Variants in PRICKLE2 observed in about 807,000 individuals in gnomAD.
PRICKLE2 encodes prickle-like protein 2.
Under a neutral mutation model 81.4 loss-of-function variants are expected in PRICKLE2, and 21 were observed. The ratio of observed to expected loss-of-function variants is 0.26; its 90% confidence interval spans 0.18 to 0.37. The LOEUF (loss-of-function observed/expected upper bound fraction) is 0.37. Among genes scored for constraint, PRICKLE2 ranks in the 10% least tolerant of loss-of-function variants. The pLI is 1.00. For synonymous variants in PRICKLE2, 456 were observed against 421.5 expected (o/e 1.08, Z -1.00); for missense variants, 940 against 1,109.0 (o/e 0.85, Z 2.16).
At chr3:64,136,644 G>A (rs552057777) in intron 7 of PRICKLE2, among the ~76,000 whole-genome samples, 2 of 152,098 alleles carry the variant, frequency 1.3e-5, no homozygotes, top group Non-Finnish European at 2.9e-5. Flanking sequence ...GCAGAGGAGG[G>A]GAGGTTAAGG....
chr3:64,111,818 C>T (rs912667267), intron 7 of PRICKLE2, among the ~76,000 whole-genome samples: 5 of 152,132 alleles, frequency 3.3e-5, no homozygotes, highest in Non-Finnish European at 7.4e-5. Context: ...CTGGCACTGC[C>T]TATTGCTTGA....
chr3:64,206,538 A>G (rs1167362979), intron 1 of PRICKLE2, among the ~76,000 whole-genome samples: 1 of 152,214 alleles, frequency 6.6e-6, no homozygotes, highest in African/African-American at 2.4e-5. Context: ...TACATCAGAC[A>G]TGAGAATAGT....
At chr3:64,168,957 G>A (rs977015458) in intron 2 of PRICKLE2, among the ~76,000 whole-genome samples, 1 of 152,088 alleles carries the variant, frequency 6.6e-6, no homozygotes, top group Non-Finnish European at 1.5e-5. Flanking sequence ...TGGTAAGAGA[G>A]TTGTGGCAGA....
chr3:64,254,370 A>G (rs890749408), intron 2 of PRICKLE2, among the ~76,000 whole-genome samples: 1 of 152,172 alleles, frequency 6.6e-6, no homozygotes, highest in Non-Finnish European at 1.5e-5. Context: ...AGCTTCTGGC[A>G]AGAGGTATTG....
chr3:64,227,914 A>T (rs1559592751), upstream of PRICKLE2, among the ~76,000 whole-genome samples: 1 of 152,214 alleles, frequency 6.6e-6, no homozygotes, highest in African/African-American at 2.4e-5. Flanking sequence ...AAGACTGCAA[A>T]ATCATCTTTA....
At chr3:64,225,885 C>T (rs577776021), upstream of PRICKLE2, among the ~76,000 whole-genome samples, 26 of 146,040 alleles carry the variant, frequency 1.8e-4, no homozygotes, top group Middle Eastern at 0.011. Flanking sequence ...AATGCCTCTC[C>T]TTTTTTTTTT....
chr3:64,142,313 C>CTTTTT (rs397936636), intron 7 of PRICKLE2, among the ~76,000 whole-genome samples: 6 of 132,748 alleles, frequency 4.5e-5, no homozygotes, highest in African/African-American at 5.6e-5. Context: ...TTCTTTCTTT[C>CTTTTT]TTTTTTTTTT....
At position 64,097,844 on chromosome 3, in the gene PRICKLE2, C is replaced by G. The variant is rs1307599898; in HGVS notation, c.*1207G>C. 6.5e-6 allele frequency: 1 copy of G among 152,858 alleles called. No homozygotes were observed. Among genetic ancestry groups the G allele is most frequent in the South Asian group, 2.1e-4 (1 of 4,828 alleles). 9.5% of individuals were successfully genotyped at this position (152,858 alleles called of 1,614,324 possible). ...GTTCTTCTTTTCCCTGACCTGCCTTCAGATTCTCCTTTAACTTCTACCCTT... is the reference window on the plus strand; with the variant it reads ...GTTCTTCTTTTCCCTGACCTGCCTTGAGATTCTCCTTTAACTTCTACCCTT... On this transcript the variant is annotated 3_prime_UTR_variant, in exon 8 of 8. Coordinates refer to ENST00000638394, the MANE Select transcript of PRICKLE2 (RefSeq NM_198859.4).
Position 64,098,799 on chromosome 3 carries a change from G to T in PRICKLE2, c.*252C>A, listed in dbSNP as rs2076605778. On this transcript the variant is annotated 3_prime_UTR_variant, in exon 8 of 8. Transcript: ENST00000638394. ...CAACTCAACACAGAACTGATGGGAA[G>T]GAAGTGACCAAGCCTGGCCTCGATA... 9.6e-6 allele frequency: 5 copies of T among 523,220 alleles called. No homozygotes were observed. The highest frequency in any genetic ancestry group is 1.7e-5 in the Non-Finnish European group (5 of 289,434). 32.4% of individuals were successfully genotyped at this position (523,220 alleles called of 1,614,324 possible).
chr3:64,245,664 G>A (rs1559601598), intron 2 of PRICKLE2, among the ~76,000 whole-genome samples: 1 of 152,122 alleles, frequency 6.6e-6, no homozygotes, highest in African/African-American at 2.4e-5. Context: ...AGAGGCATGG[G>A]GGAGGATTCC....
In PRICKLE2 at chr3:64,096,233, C is replaced by T. The variant is rs1334298733; in HGVS notation, c.*2818G>A. ...AAAGATTACTATTCTGGAAATCAGT[C>T]TCTTGAAGATGGAATTATGATCTAA... On this transcript the variant is annotated 3_prime_UTR_variant, in exon 8 of 8. Transcript: ENST00000638394. 6.6e-6 allele frequency: 1 copy of T among 152,234 alleles called. No individual in the cohort carries two copies. Among genetic ancestry groups the T allele is most frequent in the African/African-American group, 2.4e-5 (1 of 41,446 alleles). The allele number at this position is 152,234 out of a possible 1,614,324, so 9.4% of individuals were successfully genotyped here.
At chr3:64,198,714 G>A in intron 2 of PRICKLE2, 70 bp downstream of exon 2, 2 of 1,485,006 alleles carry the variant, frequency 1.3e-6, no homozygotes, top group South Asian at 2.3e-5. Context: ...TACAGAACTG[G>A]AATGAGGAAG....
chr3:64,162,488 A>T (rs756847491), intron 3 of PRICKLE2, among the ~76,000 whole-genome samples: 39 of 152,210 alleles, frequency 2.6e-4, no homozygotes, highest in Non-Finnish European at 4.0e-4. Context: ...TACAAAGAAC[A>T]ACCTCAGCAA....
intron 7 of PRICKLE2, among the ~76,000 whole-genome samples, chr3:64,107,270 T>A (rs569173697): frequency 6.6e-6 from 1 of 152,268 alleles, no homozygotes; most frequent in East Asian, 1.9e-4. Flanking sequence ...GAGAAATGTT[T>A]CCCTCTCTAC....
intron 7 of PRICKLE2, among the ~76,000 whole-genome samples, chr3:64,140,667 G>C (rs984954306): frequency 6.6e-6 from 1 of 152,072 alleles, no homozygotes; most frequent in Non-Finnish European, 1.5e-5. Flanking sequence ...TAATGCCTTG[G>C]TCCCCCACTC....
At chr3:64,255,567 G>C (rs1479876276) in intron 2 of PRICKLE2, among the ~76,000 whole-genome samples, 1 of 152,192 alleles carries the variant, frequency 6.6e-6, no homozygotes, top group Non-Finnish European at 1.5e-5. Context: ...GAGTTAAGCA[G>C]GCCTCAGTTC....
intron 1 of PRICKLE2, among the ~76,000 whole-genome samples, chr3:64,213,623 A>G (rs530591231): frequency 8.5e-5 from 13 of 152,292 alleles, no homozygotes; most frequent in South Asian, 2.1e-4. Flanking sequence ...TGGAACCCCA[A>G]GTTTACTCAT....
chr3:64,256,085 C>G (rs1004177284), intron 2 of PRICKLE2, among the ~76,000 whole-genome samples: 3 of 152,152 alleles, frequency 2.0e-5, no homozygotes, highest in African/African-American at 7.2e-5. Flanking sequence ...AAAGGCTTGA[C>G]TCATTCATGC....
At chr3:64,116,779 T>C (rs910431407) in intron 7 of PRICKLE2, among the ~76,000 whole-genome samples, 1 of 152,170 alleles carries the variant, frequency 6.6e-6, no homozygotes, top group Non-Finnish European at 1.5e-5. Context: ...AAAGAAGAGC[T>C]GGTATCATTC....
Sources: gnomAD v4.1 joint callset for allele counts (sites outside exome capture counted in the v4.1 genomes callset) on GRCh38, gnomAD v4.1.1 for gene constraint, MANE v1.5 for transcripts, NCBI Gene and HGNC (gene_info 2026-07-23, HGNC 2026-07-21) for gene names.